The following PLPPR5 variants were observed in gnomAD, a reference collection of about 807,000 sequenced individuals.
PLPPR5 encodes the protein phospholipid phosphatase-related protein type 5.
A neutral mutation model predicts 33.9 loss-of-function variants in PLPPR5; 16 were observed. That is an observed-to-expected ratio of 0.47 (90% confidence interval 0.32 to 0.72). PLPPR5 has a LOEUF of 0.72. Among genes scored for constraint, PLPPR5 ranks in the 30% least tolerant of loss-of-function variants. PLPPR5 has a pLI of 0.03. For synonymous variants in PLPPR5, 163 were observed against 150.3 expected, an observed-to-expected ratio of 1.08 and a Z score of -0.62; for missense variants, 301 against 406.7, an observed-to-expected ratio of 0.74 and a Z score of 2.23.
In PLPPR5 at chr1:98,939,284, C is replaced by A. The variant is rs1429115262; in HGVS notation, c.621+13786G>T. Reference sequence around the variant, plus strand: ...ATAGTTATTACTGAAAATAATTTTTCCATATAGAGGAAGGGATGCTAAAAG... The same window carrying A: ...ATAGTTATTACTGAAAATAATTTTTACATATAGAGGAAGGGATGCTAAAAG... On this transcript the variant is annotated intron_variant, in intron 3 of 5. Coordinates refer to ENST00000263177, the MANE Select transcript of PLPPR5 (RefSeq NM_001037317.2). Among the ~76,000 whole-genome samples, 606 of 151,228 alleles carry A rather than the reference C, an allele frequency of 4.0e-3. 4 individuals are homozygous for A. The highest frequency in any genetic ancestry group is 6.8e-3 in the Middle Eastern group (2 of 294).
chr1:98,965,732 A>G (rs1012065005), intron 1 of PLPPR5, among the ~76,000 whole-genome samples: 4 of 152,228 alleles, frequency 2.6e-5, no homozygotes, highest in African/African-American at 9.6e-5. Context: ...TCAAACTCCA[A>G]ATAGCTCTAT....
In PLPPR5 at chr1:98,920,593, C is replaced by CAAAAAAAAAAAAAAAAA. The variant is rs763477562; in HGVS notation, c.798+1288_798+1289insTTTTTTTTTTTTTTTTT. On this transcript the variant is annotated intron_variant, in intron 4 of 5. Coordinates refer to ENST00000263177, the MANE Select transcript of PLPPR5 (RefSeq NM_001037317.2). Reference sequence around the variant, plus strand: ...TGGGAATCACAGAGAGTGGTATCACCAAAAAAAAAAAAAAAAGCAGCACAG... The same window carrying CAAAAAAAAAAAAAAAAA: ...TGGGAATCACAGAGAGTGGTATCACCAAAAAAAAAAAAAAAAAAAAAAAAAAAAAAAAAGCAGCACAG... 6.5e-4 allele frequency among the ~76,000 whole-genome samples: 45 copies of CAAAAAAAAAAAAAAAAA among 69,004 alleles called. 8 individuals are homozygous for CAAAAAAAAAAAAAAAAA. Among genetic ancestry groups the CAAAAAAAAAAAAAAAAA allele is most frequent in the East Asian group, 5.1e-3 (11 of 2,142 alleles). The allele number at this position is 69,004 out of a possible 152,430, so 45.3% of individuals were successfully genotyped here. A position where few individuals can be genotyped will look rare whatever the true frequency, so the allele number is the denominator to read the frequency against.
chr1:98,961,075 C>T (rs1304846616), intron 1 of PLPPR5, among the ~76,000 whole-genome samples: 2 of 152,292 alleles, frequency 1.3e-5, no homozygotes, highest in Admixed American at 6.5e-5. Context: ...GTGTTTCCCA[C>T]CCAGTCTTCC....
At chr1:98,900,036 A>G (rs77065077) in intron 5 of PLPPR5, among the ~76,000 whole-genome samples, 4,276 of 152,200 alleles carry the variant, frequency 0.028, 90 homozygotes, top group African/African-American at 0.049. Flanking sequence ...ACCAGTAATC[A>G]TGTTTGAAAT....
chr1:98,999,546 G>A (rs572622542), intron 1 of PLPPR5, among the ~76,000 whole-genome samples: 7 of 152,316 alleles, frequency 4.6e-5, no homozygotes, highest in African/African-American at 1.7e-4. Flanking sequence ...TAGTAAGTGG[G>A]AGAAACCAGG....
At chr1:98,903,064 T>G (rs939670516) in intron 5 of PLPPR5, among the ~76,000 whole-genome samples, 4 of 152,150 alleles carry the variant, frequency 2.6e-5, no homozygotes, top group Non-Finnish European at 4.4e-5. Flanking sequence ...TGTGCCAGTA[T>G]TTTCAACCTA....
At chr1:98,914,404 C>T (rs1649263217) in intron 5 of PLPPR5, among the ~76,000 whole-genome samples, 1 of 152,096 alleles carries the variant, frequency 6.6e-6, no homozygotes, top group Non-Finnish European at 1.5e-5. Flanking sequence ...GGTGCCTCAG[C>T]CTCCCAAGTA....
chr1:98,972,028 C>T (rs776195122), intron 1 of PLPPR5, among the ~76,000 whole-genome samples: 10 of 152,006 alleles, frequency 6.6e-5, no homozygotes, highest in Non-Finnish European at 1.2e-4. Context: ...TCTCCAGCTG[C>T]CACCTCTGAC....
rs9651141 is a variant in PLPPR5, at chr1:98,912,718, A to C, written c.933+2068T>G. On this transcript the variant is annotated intron_variant, in intron 5 of 5. Coordinates refer to ENST00000263177, the MANE Select transcript of PLPPR5 (RefSeq NM_001037317.2). The stretch of plus-strand genomic sequence containing the variant: ...GGAAGAAGGTGAGAAGGAATACTAA[A>C]TATTAGCAGTTTTTACCATTATAAT... Among the ~76,000 whole-genome samples, 10 of 151,486 alleles carry C rather than the reference A, an allele frequency of 6.6e-5. No individual in the cohort carries two copies. The South Asian group carries it at 2.1e-3, about 31-fold the overall frequency.
intron 3 of PLPPR5, among the ~76,000 whole-genome samples, chr1:98,935,346 T>G (rs1029032360): frequency 1.3e-5 from 2 of 152,204 alleles, no homozygotes; most frequent in Non-Finnish European, 2.9e-5. Flanking sequence ...GAAATTTTTA[T>G]TAGCAATCCA....
intron 3 of PLPPR5, among the ~76,000 whole-genome samples, chr1:98,951,578 C>T (rs1486214216): frequency 1.3e-5 from 2 of 152,156 alleles, no homozygotes; most frequent in African/African-American, 2.4e-5. Flanking sequence ...ATAGAATTAA[C>T]TTGGCTTAAA....
intron 3 of PLPPR5, among the ~76,000 whole-genome samples, chr1:98,927,917 C>A (rs1410736825): frequency 6.6e-6 from 1 of 151,612 alleles, no homozygotes; most frequent in African/African-American, 2.4e-5. Flanking sequence ...ATAAGACTTT[C>A]ATTATATATA....
intron 1 of PLPPR5, among the ~76,000 whole-genome samples, chr1:98,983,409 A>C (rs1652131127): frequency 2.4e-5 from 3 of 122,888 alleles, no homozygotes; most frequent in African/African-American, 6.3e-5. Flanking sequence ...CCTACAAAGG[A>C]CATGAACTCA....
intron 1 of PLPPR5, among the ~76,000 whole-genome samples, chr1:98,993,506 C>G (rs1332731626): frequency 6.6e-6 from 1 of 152,068 alleles, no homozygotes; most frequent in Admixed American, 6.6e-5. Flanking sequence ...GACTAAGTCT[C>G]TTCATTCAAT....
At chr1:98,902,127 A>C (rs552381886) in intron 5 of PLPPR5, among the ~76,000 whole-genome samples, 1 of 152,180 alleles carries the variant, frequency 6.6e-6, no homozygotes, top group African/African-American at 2.4e-5. Context: ...GAAATAAGAC[A>C]CACTCAAATG....
At chr1:98,970,665 G>A (rs1305438387) in intron 1 of PLPPR5, among the ~76,000 whole-genome samples, 1 of 151,868 alleles carries the variant, frequency 6.6e-6, no homozygotes, top group Non-Finnish European at 1.5e-5. Flanking sequence ...CTATGAGGTT[G>A]ATATTATTAC....
At chr1:98,987,836 A>T (rs1652311890) in intron 1 of PLPPR5, among the ~76,000 whole-genome samples, 1 of 151,904 alleles carries the variant, frequency 6.6e-6, no homozygotes, top group Non-Finnish European at 1.5e-5. Context: ...GATTCTTTTG[A>T]TTTGTTTTTC....
At chr1:99,002,340 A>T (rs1252239782) in intron 1 of PLPPR5, among the ~76,000 whole-genome samples, 3 of 152,204 alleles carry the variant, frequency 2.0e-5, no homozygotes, top group Non-Finnish European at 4.4e-5. Flanking sequence ...ATCCACTTAT[A>T]TTCTCAATGC....
Position 98,914,785 on chromosome 1 carries a change from C to T in PLPPR5, c.933+1G>A, listed in dbSNP as rs1244745975. 3.7e-6 allele frequency: 6 copies of T among 1,606,808 alleles called. No individual in the cohort carries two copies. Among genetic ancestry groups the T allele is most frequent in the Non-Finnish European group, 5.1e-6 (6 of 1,177,354 alleles). ...AATTTAGAATTTAAATTGTGAGTCA[C>T]CTGTACAGATGTTACCTTTTCCAAA... is the stretch of plus-strand genomic sequence containing the variant. On this transcript the variant is annotated splice_donor_variant, in intron 5 of 5. Coordinates refer to ENST00000263177, the MANE Select transcript of PLPPR5 (RefSeq NM_001037317.2). LOFTEE classifies it high-confidence loss of function.
Sources: gnomAD v4.1 joint callset for allele counts (sites outside exome capture counted in the v4.1 genomes callset) on GRCh38, gnomAD v4.1.1 for gene constraint, MANE v1.5 for transcripts, NCBI Gene and HGNC (gene_info 2026-07-23, HGNC 2026-07-21) for gene names.